Variants in SIPA1L3 observed in about 807,000 individuals in gnomAD.
SIPA1L3 encodes signal induced proliferation associated 1 like 3.
In SIPA1L3, 59 loss-of-function variants were observed where a neutral mutation model predicts 150.1. The observed-to-expected ratio is 0.39, with a 90% CI of 0.32 to 0.49. The LOEUF (loss-of-function observed/expected upper bound fraction) is 0.49. SIPA1L3 is among the 20% of genes least tolerant of loss of function. The pLI, the probability that SIPA1L3 is intolerant of heterozygous loss-of-function variation, is 0.86. For synonymous variants in SIPA1L3, 1,070 were observed against 1,077.6 expected (o/e 0.99, Z 0.14); for missense variants, 2,211 against 2,489.5 (o/e 0.89, Z 2.38).
intron 1 of SIPA1L3, among the ~76,000 whole-genome samples, chr19:37,940,306 A>C (rs1272028539): frequency 6.6e-6 from 1 of 151,870 alleles, no homozygotes; most frequent in Non-Finnish European, 1.5e-5. Context: ...AACAAAAAAA[A>C]AAACAAAAAA....
At chr19:38,186,900 G>A (rs889660583) in intron 16 of SIPA1L3, among the ~76,000 whole-genome samples, 4 of 151,200 alleles carry the variant, frequency 2.6e-5, no homozygotes, top group East Asian at 2.0e-4. Context: ...ACAGCTACTC[G>A]GGAGGCTGAG....
In SIPA1L3 at chr19:38,164,030, C is replaced by T. The variant is rs1386609573; in HGVS notation, c.3781-449C>T. On this transcript the variant is annotated intron_variant, in intron 14 of 21. Transcript: ENST00000222345. This position sits in a 1 kb window ranked among gnomAD's most constrained non-coding sequence, Gnocchi z 4.1. The stretch of plus-strand genomic sequence containing the variant: ...GCCGTGGAGCAGGAAGTGACAGGTC[C>T]CGGATCTGTGTTGAGGACGCGGGCA... Among the ~76,000 whole-genome samples, 1 of 152,140 alleles carries T rather than the reference C, an allele frequency of 6.6e-6. No homozygotes were observed. The highest frequency in any genetic ancestry group is 2.4e-5 in the African/African-American group (1 of 41,416).
At chr19:38,195,229 G>A (rs532611544) in intron 18 of SIPA1L3, among the ~76,000 whole-genome samples, 77 of 152,196 alleles carry the variant, frequency 5.1e-4, no homozygotes, top group Non-Finnish European at 8.2e-4. Flanking sequence ...CTCTCCGCCC[G>A]CCATGCTCTT....
At chr19:38,105,437 T>A (rs1018591665) in intron 6 of SIPA1L3, among the ~76,000 whole-genome samples, 2 of 151,966 alleles carry the variant, frequency 1.3e-5, no homozygotes, top group Admixed American at 1.3e-4. Context: ...CTCAGTACAG[T>A]GTGACCTTGG....
intron 14 of SIPA1L3, among the ~76,000 whole-genome samples, chr19:38,163,868 A>G (rs1972146816): frequency 6.6e-6 from 1 of 152,170 alleles, no homozygotes; most frequent in African/African-American, 2.4e-5. Flanking sequence ...GTCATCATCT[A>G]ACTCAGGTGT....
chr19:38,155,135 C>A (rs1478973260), intron 13 of SIPA1L3, among the ~76,000 whole-genome samples: 1 of 152,240 alleles, frequency 6.6e-6, no homozygotes, highest in Non-Finnish European at 1.5e-5. Context: ...TGTCTATCAA[C>A]ATGTGAGAGT....
At chr19:38,074,668 C>G (rs1403834248) in intron 2 of SIPA1L3, among the ~76,000 whole-genome samples, 1 of 152,352 alleles carries the variant, frequency 6.6e-6, no homozygotes, top group Middle Eastern at 3.4e-3. Context: ...AATAATTGCA[C>G]TTTTCTCTGG....
intron 2 of SIPA1L3, among the ~76,000 whole-genome samples, chr19:38,030,623 A>AATACATATATATATACATATATAT: frequency 2.3e-5 from 1 of 42,630 alleles, no homozygotes; most frequent in African/African-American, 5.9e-5. Context: ...ATATGTGGCA[A>AATACATATATATATACATATATAT]ATATATATAT....
At chr19:38,058,857 T>A (rs1375495016) in intron 2 of SIPA1L3, among the ~76,000 whole-genome samples, 3 of 152,016 alleles carry the variant, frequency 2.0e-5, no homozygotes, top group Non-Finnish European at 4.4e-5. Context: ...AAACCCTGTC[T>A]CTACTAAAAA....
At chr19:38,117,620 GA>G (rs562060967) in intron 8 of SIPA1L3, among the ~76,000 whole-genome samples, 32 of 143,468 alleles carry the variant, frequency 2.2e-4, no homozygotes, top group Middle Eastern at 7.4e-3. Flanking sequence ...CTCCATCTCA[GA>G]AAAAAAAAAA....
chr19:38,138,551 T>G (rs1438224764), intron 10 of SIPA1L3, among the ~76,000 whole-genome samples: 1 of 28,254 alleles, frequency 3.5e-5, no homozygotes, highest in Non-Finnish European at 6.1e-5. Flanking sequence ...CTTTCCATGT[T>G]TGCTGTCATT....
chr19:38,101,555 T>C (rs550321090), intron 6 of SIPA1L3, among the ~76,000 whole-genome samples: 5 of 152,102 alleles, frequency 3.3e-5, no homozygotes, highest in African/African-American at 1.2e-4. Context: ...TGACTACAGG[T>C]GTGCACCACC....
chr19:38,146,250 A>G (rs1600134340), intron 12 of SIPA1L3, among the ~76,000 whole-genome samples: 1 of 152,300 alleles, frequency 6.6e-6, no homozygotes, highest in East Asian at 1.9e-4. Context: ...TTTTTCACTC[A>G]GCAGAATGTC....
intron 1 of SIPA1L3, among the ~76,000 whole-genome samples, chr19:37,938,624 C>CTT (rs759856556): frequency 6.1e-5 from 8 of 131,280 alleles, no homozygotes; most frequent in East Asian, 4.4e-4. Context: ...TTTCTTTTTT[C>CTT]TTTTTTTTTT....
In SIPA1L3 at chr19:38,099,944, C is replaced by G; in HGVS notation, c.1666-18C>G. On this transcript the variant is annotated intron_variant, in intron 4 of 21. Transcript: ENST00000222345. ...GGTCTCGAGAGCCCCCTAACCTTCC[C>G]TTCTCTCCCTTGAGTAGCTCATCAC... 6.3e-7 allele frequency: 1 copy of G among 1,575,882 alleles called. No individual in the cohort carries two copies.
chr19:37,958,413 G>A (rs149563676), intron 1 of SIPA1L3, among the ~76,000 whole-genome samples: 2 of 152,298 alleles, frequency 1.3e-5, no homozygotes, highest in East Asian at 1.9e-4. Flanking sequence ...GCAACCGAGT[G>A]AGTCCCTGTC....
At chr19:38,190,612 C>T (rs1972787187) in intron 16 of SIPA1L3, among the ~76,000 whole-genome samples, 1 of 152,154 alleles carries the variant, frequency 6.6e-6, no homozygotes, top group Admixed American at 6.5e-5. Flanking sequence ...TATTTCTTCC[C>T]CAGGTTCAAA....
intron 15 of SIPA1L3, among the ~76,000 whole-genome samples, chr19:38,166,396 G>A (rs1192796090): frequency 1.3e-5 from 2 of 151,560 alleles, no homozygotes; most frequent in Admixed American, 6.6e-5. Flanking sequence ...GGCAGAGGTT[G>A]CAGTGAGCCG....
chr19:38,020,597 C>G (rs1490444069), intron 1 of SIPA1L3, among the ~76,000 whole-genome samples: 1 of 152,216 alleles, frequency 6.6e-6, no homozygotes. Context: ...GGCCAGCCGA[C>G]CACAGTGCCT....
Sources: gnomAD v4.1 joint callset for allele counts (sites outside exome capture counted in the v4.1 genomes callset) on GRCh38, gnomAD v4.1.1 for gene constraint, Gnocchi (gnomAD v3.1) non-coding constraint, MANE v1.5 for transcripts, NCBI Gene and HGNC (gene_info 2026-07-23, HGNC 2026-07-21) for gene names.